The following CLEC16A variants were observed in gnomAD, a reference collection of about 807,000 sequenced individuals.
CLEC16A encodes the protein protein CLEC16A.
In CLEC16A, 51 loss-of-function variants were observed where a neutral mutation model predicts 109.5. That is an observed-to-expected ratio of 0.47 (90% confidence interval 0.37 to 0.59). The LOEUF is 0.59. Ranked by LOEUF, CLEC16A falls within the 20% of genes least tolerant of loss-of-function variation. CLEC16A has a pLI of 0.00. For missense variants in CLEC16A, 1,339 were observed against 1,394.0 expected (o/e 0.96, Z 0.63); for synonymous variants, 673 against 564.2 (o/e 1.19, Z -2.73).
chr16:11,010,454 C>G (rs951956929), intron 11 of CLEC16A, among the ~76,000 whole-genome samples: 42 of 152,134 alleles, frequency 2.8e-4, no homozygotes, highest in African/African-American at 1.0e-3. Context: ...ACAAAAGGTG[C>G]AAAGCCAAAA....
intron 23 of CLEC16A, among the ~76,000 whole-genome samples, chr16:11,167,164 C>G (rs759044791): frequency 6.6e-6 from 1 of 152,150 alleles, no homozygotes; most frequent in Admixed American, 6.5e-5. Flanking sequence ...TCTCGGCTGC[C>G]GTGAGCTATT....
chr16:11,018,330 A>G (rs1009174502), intron 11 of CLEC16A, among the ~76,000 whole-genome samples: 3 of 151,480 alleles, frequency 2.0e-5, no homozygotes, highest in African/African-American at 7.3e-5. Context: ...GTCCAGGAAG[A>G]TGTCTCCGTG....
chr16:11,165,451 C>G (rs1193346623), intron 22 of CLEC16A, among the ~76,000 whole-genome samples: 2 of 152,122 alleles, frequency 1.3e-5, no homozygotes, highest in Non-Finnish European at 2.9e-5. Context: ...GAGATCACAC[C>G]GCTGCACTCC....
intron 19 of CLEC16A, among the ~76,000 whole-genome samples, chr16:11,086,588 G>C (rs908237738): frequency 2.0e-5 from 3 of 152,080 alleles, no homozygotes; most frequent in Non-Finnish European, 4.4e-5. Context: ...TGTTGCCCAG[G>C]CTGGAGTGCA....
intron 7 of CLEC16A, among the ~76,000 whole-genome samples, chr16:10,976,072 G>A (rs542911149): frequency 9.2e-5 from 14 of 152,262 alleles, no homozygotes; most frequent in African/African-American, 2.4e-4. Context: ...TGAGACCAGC[G>A]TGGGCAACAT....
chr16:10,946,005 G>C (rs2041346268), intron 1 of CLEC16A, among the ~76,000 whole-genome samples: 1 of 152,104 alleles, frequency 6.6e-6, no homozygotes, highest in African/African-American at 2.4e-5. Context: ...ATTGGGGAGA[G>C]ATGAAGAGCA....
At chr16:10,983,059 C>G (rs1567539845) in intron 10 of CLEC16A, 68 bp downstream of exon 10, 4 of 890,212 alleles carry the variant, frequency 4.5e-6, no homozygotes, top group African/African-American at 1.7e-5. Context: ...CTGTGTGTTT[C>G]TCTAAAATCA....
intron 7 of CLEC16A, 37 bp downstream of exon 7, chr16:10,973,098 A>G (rs753237682): frequency 6.4e-7 from 1 of 1,563,264 alleles, no homozygotes; most frequent in Non-Finnish European, 8.7e-7. Flanking sequence ...GTAGATAGAC[A>G]GGGTGGTTAG....
intron 1 of CLEC16A, 136 bp downstream of exon 1, chr16:10,944,933 G>T (rs1345454678): frequency 2.5e-6 from 2 of 785,086 alleles, no homozygotes; most frequent in South Asian, 1.9e-5. Context: ...GGTTAAGAGC[G>T]AGGGCTCGGG....
chr16:11,049,698 C>T (rs1440438914), intron 17 of CLEC16A, among the ~76,000 whole-genome samples: 1 of 152,204 alleles, frequency 6.6e-6, no homozygotes, highest in Admixed American at 6.5e-5. Flanking sequence ...TGTGACCTTT[C>T]CTTCATTTCC....
rs192809496 is a variant in CLEC16A, at chr16:10,967,063, C to T, written c.344-2098C>T. On this transcript the variant is annotated intron_variant, in intron 3 of 23. Transcript: ENST00000409790. ...AGCACTGCCTCAGTAGTGTTATGAG[C>T]AGGCGATTTTGAAAACTGCTCTTCT... 6.2e-4 allele frequency among the ~76,000 whole-genome samples: 95 copies of T among 152,290 alleles called. 1 individual carries two copies. Among genetic ancestry groups the T allele is most frequent in the Non-Finnish European group, 1.3e-4 (9 of 68,026 alleles).
intron 22 of CLEC16A, chr16:11,136,205 T>C (rs1215989920): frequency 6.6e-6 from 1 of 152,254 alleles, no homozygotes; most frequent in Non-Finnish European, 1.5e-5. Flanking sequence ...GTTCACCTTG[T>C]TGGATCTCAG....
At chr16:11,068,942 G>T (rs910540040) in intron 19 of CLEC16A, among the ~76,000 whole-genome samples, 1 of 151,044 alleles carries the variant, frequency 6.6e-6, no homozygotes, top group Non-Finnish European at 1.5e-5. Context: ...AGCCTCCCGA[G>T]TAGCTGGGAT....
intron 19 of CLEC16A, among the ~76,000 whole-genome samples, chr16:11,098,864 A>C (rs2050752116): frequency 6.6e-6 from 1 of 152,170 alleles, no homozygotes; most frequent in Non-Finnish European, 1.5e-5. Flanking sequence ...GGACAGAGAG[A>C]TGCCCAGGCA....
At chr16:11,001,782 G>C (rs1407618320) in intron 10 of CLEC16A, among the ~76,000 whole-genome samples, 1 of 152,098 alleles carries the variant, frequency 6.6e-6, no homozygotes, top group Admixed American at 6.6e-5. Context: ...GCTGGGATTA[G>C]AGAGGTGAGC....
chr16:11,095,276 TGAAAAA>T (rs2050540262), intron 19 of CLEC16A, among the ~76,000 whole-genome samples: 2 of 151,994 alleles, frequency 1.3e-5, no homozygotes, highest in South Asian at 4.2e-4. Flanking sequence ...AAAGAGAAGA[TGAAAAA>T]GAAAAAAGGC....
intron 13 of CLEC16A, among the ~76,000 whole-genome samples, chr16:11,038,588 T>G (rs530149175): frequency 5.3e-5 from 8 of 152,132 alleles, no homozygotes; most frequent in Non-Finnish European, 1.2e-4. Context: ...CACACTTGCC[T>G]GTTCTTCTTT....
rs752447152 is a variant in CLEC16A, at chr16:11,003,122, C to T, written c.1120C>T (p.Arg374Trp). 3.7e-6 allele frequency: 6 copies of T among 1,613,416 alleles called. No individual in the cohort carries two copies. Among genetic ancestry groups the T allele is most frequent in the African/African-American group, 2.7e-5 (2 of 74,782 alleles). The change falls in exon 11 of 24, where the codon CGG becomes TGG. Residue 374 changes from arginine to tryptophan, a missense_variant. Arg to Trp is a moderately radical substitution (Grantham distance 101, BLOSUM62 -3). Transcript: ENST00000409790. The part of the protein sequence containing the change: ...CFIKPTETLE[R>W]SLEMNKHKGK... ...CATTAAACCCACCGAGACACTCGAGCGGTCCCTTGAGATGAACAAGCACAA... is the reference window on the plus strand; with the variant it reads ...CATTAAACCCACCGAGACACTCGAGTGGTCCCTTGAGATGAACAAGCACAA...
In CLEC16A at chr16:11,139,508, A is replaced by G. The variant is rs535610196; in HGVS notation, c.2641+13362A>G. Among the ~76,000 whole-genome samples the G allele has an allele frequency of 2.6e-5, 4 of 152,334 alleles. No individual in the cohort carries two copies. In the East Asian group the frequency reaches 7.7e-4, roughly 29 times the overall value. ...CAAAAGTCAATATTATCCCAGTGTGATAGGAATGGCTGTTTTGCAACATCT... is the reference window on the plus strand; with the variant it reads ...CAAAAGTCAATATTATCCCAGTGTGGTAGGAATGGCTGTTTTGCAACATCT... On this transcript the variant is annotated intron_variant, in intron 22 of 23. Coordinates refer to ENST00000409790, the MANE Select transcript of CLEC16A (RefSeq NM_015226.3).
Sources: gnomAD v4.1 joint callset for allele counts (sites outside exome capture counted in the v4.1 genomes callset) on GRCh38, gnomAD v4.1.1 for gene constraint, MANE v1.5 for transcripts, NCBI Gene and HGNC (gene_info 2026-07-23, HGNC 2026-07-21) for gene names.